TTLL5: variants seen among roughly 807,000 people sequenced by gnomAD.
The protein encoded by TTLL5 is tubulin polyglutamylase TTLL5.
TTLL5 carries 132 observed loss-of-function variants against 168.4 expected under a neutral mutation model. The observed-to-expected ratio is 0.78, with a 90% CI of 0.68 to 0.91. The LOEUF is 0.91. Among genes scored for constraint, TTLL5 ranks in the 40% least tolerant of loss-of-function variants. TTLL5 has a pLI of 0.00. For synonymous variants in TTLL5, 546 were observed against 558.6 expected, an observed-to-expected ratio of 0.98 and a Z score of 0.32; for missense variants, 1,545 against 1,581.5, an observed-to-expected ratio of 0.98 and a Z score of 0.39.
rs547481088 is a variant in TTLL5 at position 75,766,811 on chromosome 14, G to A, written c.2015+443G>A. Among the ~76,000 whole-genome samples the A allele has an allele frequency of 1.6e-4, 24 of 152,228 alleles. No homozygotes were observed. The East Asian group carries it at 3.9e-3, about 24-fold the overall frequency. ...GAATCAGGCCTTGACAGATGAGTAG[G>A]GTTTCAGGAGCTTTGGGAAGTGATG... On this transcript the variant is annotated intron_variant, in intron 20 of 31. Coordinates refer to ENST00000298832, the MANE Select transcript of TTLL5 (RefSeq NM_015072.5).
intron 12 of TTLL5, among the ~76,000 whole-genome samples, chr14:75,721,684 T>C (rs971601698): frequency 6.6e-6 from 1 of 152,254 alleles, no homozygotes; most frequent in African/African-American, 2.4e-5. Flanking sequence ...GTCTACCTCC[T>C]GAGAATACCA....
intron 28 of TTLL5, among the ~76,000 whole-genome samples, chr14:75,821,353 A>C (rs1894820260): frequency 6.6e-6 from 1 of 152,232 alleles, no homozygotes; most frequent in African/African-American, 2.4e-5. Context: ...TCCCCAGGAG[A>C]AGTCTGCTGT....
At chr14:75,851,507 G>A (rs904394935) in intron 28 of TTLL5, among the ~76,000 whole-genome samples, 2 of 152,194 alleles carry the variant, frequency 1.3e-5, no homozygotes, top group African/African-American at 4.8e-5. Context: ...CTCACATCCA[G>A]TGCCTGAACC....
At chr14:75,901,301 A>T (rs1338112597) in intron 30 of TTLL5, among the ~76,000 whole-genome samples, 2 of 152,212 alleles carry the variant, frequency 1.3e-5, no homozygotes, top group African/African-American at 4.8e-5. Flanking sequence ...ACACAGTTTC[A>T]TAATTATAAT....
At chr14:75,953,120 T>G (rs991897206) in intron 31 of TTLL5, among the ~76,000 whole-genome samples, 4 of 152,170 alleles carry the variant, frequency 2.6e-5, no homozygotes, top group African/African-American at 9.7e-5. Context: ...GAAGAAACAC[T>G]TATGCACAAT....
At position 75,698,300 on chromosome 14, in the gene TTLL5, A is replaced by G. The variant is rs114606568; in HGVS notation, c.503-888A>G. On this transcript the variant is annotated intron_variant, in intron 6 of 31. Coordinates refer to ENST00000298832, the MANE Select transcript of TTLL5 (RefSeq NM_015072.5). The stretch of plus-strand genomic sequence containing the variant: ...CTTTCTCTTTTCACGATCCAAAGGG[A>G]TATAAAGTGTAAAGCTGAACCTGGG... 5.2e-3 allele frequency among the ~76,000 whole-genome samples: 799 copies of G among 152,296 alleles called. 5 individuals are homozygous for G. The highest frequency in any genetic ancestry group is 0.018 in the African/African-American group (749 of 41,556).
chr14:75,839,370 A>G (rs1896085269), intron 28 of TTLL5, among the ~76,000 whole-genome samples: 1 of 152,106 alleles, frequency 6.6e-6, no homozygotes, highest in Non-Finnish European at 1.5e-5. Context: ...CATCCTCAAA[A>G]CTTATTTTCT....
At chr14:75,816,472 T>C (rs1472438863) in intron 27 of TTLL5, among the ~76,000 whole-genome samples, 1 of 152,168 alleles carries the variant, frequency 6.6e-6, no homozygotes, top group African/African-American at 2.4e-5. Context: ...CCATAAGTGG[T>C]AACTGTTAAG....
intron 30 of TTLL5, among the ~76,000 whole-genome samples, chr14:75,895,401 T>C (rs966803953): frequency 6.6e-6 from 1 of 152,154 alleles, no homozygotes; most frequent in Non-Finnish European, 1.5e-5. Context: ...GGAATGTTTA[T>C]AAAAATTCAG....
intron 15 of TTLL5, among the ~76,000 whole-genome samples, chr14:75,738,657 C>T (rs1889055888): frequency 2.0e-5 from 3 of 151,924 alleles, no homozygotes; most frequent in Admixed American, 2.0e-4. Flanking sequence ...GAAAACAAAA[C>T]AAAATAATGC....
chr14:75,913,993 C>A (rs1047327132), intron 31 of TTLL5, among the ~76,000 whole-genome samples: 4 of 104,208 alleles, frequency 3.8e-5, no homozygotes, highest in Non-Finnish European at 5.1e-5. Flanking sequence ...CCAGCCTAGG[C>A]GACAGAGGAA....
chr14:75,753,031 G>T, intron 18 of TTLL5, 76 bp downstream of exon 18: 1 of 1,416,110 alleles, frequency 7.1e-7, no homozygotes. Context: ...GAAGGAAACA[G>T]ACCTTATAAA....
At chr14:75,734,536 G>A (rs1000327067) in intron 14 of TTLL5, among the ~76,000 whole-genome samples, 9 of 151,984 alleles carry the variant, frequency 5.9e-5, no homozygotes, top group African/African-American at 2.2e-4. Flanking sequence ...TGGGCTTGTT[G>A]GTTTTTTTTT....
chr14:75,875,036 C>G (rs1242391708), intron 29 of TTLL5, among the ~76,000 whole-genome samples: 12 of 145,728 alleles, frequency 8.2e-5, no homozygotes, highest in Non-Finnish European at 1.5e-4. Flanking sequence ...CGGGTTCACA[C>G]CATTCTCCTG....
intron 27 of TTLL5, among the ~76,000 whole-genome samples, chr14:75,805,207 A>G (rs1307626328): frequency 6.6e-6 from 1 of 152,154 alleles, no homozygotes; most frequent in Non-Finnish European, 1.5e-5. Context: ...CACTATTATC[A>G]ACGGCTTCTT....
chr14:75,726,351 A>G (rs1888184577), intron 12 of TTLL5, among the ~76,000 whole-genome samples: 1 of 152,176 alleles, frequency 6.6e-6, no homozygotes, highest in Admixed American at 6.5e-5. Flanking sequence ...TTTTGTAGGA[A>G]GTGGCTGCCA....
chr14:75,747,601 T>C (rs1390425437), intron 17 of TTLL5, among the ~76,000 whole-genome samples: 2 of 152,134 alleles, frequency 1.3e-5, no homozygotes, highest in East Asian at 3.9e-4. Context: ...CAGGCTTATT[T>C]TTAAGCATTG....
intron 5 of TTLL5, chr14:75,684,650 G>GTTATAGCC (rs1255127591): frequency 2.0e-5 from 3 of 152,174 alleles, no homozygotes; most frequent in Non-Finnish European, 4.4e-5. Context: ...TATATAAACA[G>GTTATAGCC]TTATAGCCTT....
chr14:75,928,591 C>T (rs1047674549), intron 31 of TTLL5, among the ~76,000 whole-genome samples: 11 of 151,620 alleles, frequency 7.3e-5, no homozygotes, highest in African/African-American at 1.9e-4. Flanking sequence ...CAGCATTCTA[C>T]GATGCTTATT....
Sources: gnomAD v4.1 joint callset for allele counts (sites outside exome capture counted in the v4.1 genomes callset) on GRCh38, gnomAD v4.1.1 for gene constraint, MANE v1.5 for transcripts, NCBI Gene and HGNC (gene_info 2026-07-23, HGNC 2026-07-21) for gene names.